HFM1: variants seen among roughly 807,000 people sequenced by gnomAD.
HFM1 encodes the protein helicase for meiosis 1.
Under a neutral mutation model 192.1 loss-of-function variants are expected in HFM1, and 169 were observed. That is an observed-to-expected ratio of 0.88 (90% CI 0.78 to 1.00). HFM1 has a LOEUF of 1.00. HFM1 is among the 50% of genes least tolerant of loss of function. The probability of loss-of-function intolerance (pLI) is 0.00; values close to 1 mark genes in which losing one functional copy is unlikely to be tolerated. For synonymous variants in HFM1, 525 were observed against 537.8 expected (o/e 0.98, Z 0.33); for missense variants, 1,661 against 1,668.0 (o/e 1.00, Z 0.07).
intron 34 of HFM1, among the ~76,000 whole-genome samples, chr1:91,272,944 GCTTACCATTTCTACATACAGC>G (rs531577914): frequency 3.2e-4 from 49 of 152,040 alleles, no homozygotes; most frequent in African/African-American, 1.1e-3. Context: ...AAAACCCCAA[GCTTACCATTTCTACATACAGC>G]CACTTGAAGA....
At chr1:91,360,457 A>T (rs962434372) in intron 13 of HFM1, among the ~76,000 whole-genome samples, 1 of 152,252 alleles carries the variant, frequency 6.6e-6, no homozygotes, top group Non-Finnish European at 1.5e-5. Context: ...GAAGGGCATT[A>T]CATAATGGTA....
chr1:91,390,925 A>G (rs968458773), intron 4 of HFM1, among the ~76,000 whole-genome samples: 2 of 152,246 alleles, frequency 1.3e-5, no homozygotes, highest in African/African-American at 4.8e-5. Flanking sequence ...TACAAAATCA[A>G]CATGCAAAAA....
At chr1:91,272,893 G>A (rs1366077924) in intron 34 of HFM1, among the ~76,000 whole-genome samples, 1 of 151,982 alleles carries the variant, frequency 6.6e-6, no homozygotes, top group African/African-American at 2.4e-5. Flanking sequence ...AGAAAAGAAT[G>A]TCAACAGAAG....
chr1:91,319,175 C>T lies in HFM1; in HGVS notation c.2715G>A (p.Lys905=), dbSNP rs969632332. ...TCAAACTATTCAATAGTACAGCAAA[C>T]TTCTTTTCTTGAGCAGCTACAAAAT... The part of the protein sequence containing the change: ...LSDFVAAQEK[K]FAVLLNSLIL... The change falls in exon 25 of 39, where the codon AAG becomes AAA. Residue 905 remains lysine (K), a synonymous_variant. Transcript: ENST00000370425. 6.2e-7 allele frequency: 1 copy of T among 1,608,968 alleles called. No individual in the cohort carries two copies. Among genetic ancestry groups the T allele is most frequent in the East Asian group, 2.2e-5 (1 of 44,816 alleles).
intron 29 of HFM1, among the ~76,000 whole-genome samples, chr1:91,313,727 T>C (rs184901260): frequency 6.6e-6 from 1 of 152,004 alleles, no homozygotes; most frequent in Admixed American, 6.5e-5. Context: ...TCTAGGAAAA[T>C]AAAATATCTA....
chr1:91,353,349 G>A (rs1657223138), intron 13 of HFM1, 50 bp from the exon 14 acceptor site: 1 of 1,076,280 alleles, frequency 9.3e-7, no homozygotes. Context: ...TAACATTAGA[G>A]AACTCTGAAA....
intron 13 of HFM1, among the ~76,000 whole-genome samples, chr1:91,370,915 A>G (rs11584205): frequency 0.2 from 30,423 of 151,998 alleles, 3,455 homozygotes; most frequent in Non-Finnish European, 0.26. Flanking sequence ...AAATCAATGT[A>G]CAAAAATCAC....
At chr1:91,396,634 C>A (rs996486195) in intron 2 of HFM1, among the ~76,000 whole-genome samples, 1 of 152,192 alleles carries the variant, frequency 6.6e-6, no homozygotes, top group Non-Finnish European at 1.5e-5. Flanking sequence ...ATGGCAATAA[C>A]TCTATCTCCT....
At chr1:91,331,514 T>G (rs1397807111) in intron 20 of HFM1, among the ~76,000 whole-genome samples, 1 of 150,302 alleles carries the variant, frequency 6.7e-6, no homozygotes, top group Non-Finnish European at 1.5e-5. Context: ...GAAAAAGAAA[T>G]AAAAAAGTAA....
At chr1:91,396,462 C>T (rs1663670118) in intron 2 of HFM1, 57 bp from the exon 3 acceptor site, 3 of 871,898 alleles carry the variant, frequency 3.4e-6, no homozygotes, top group Non-Finnish European at 5.3e-6. Context: ...ACATGAGAAG[C>T]TATGTGTTTA....
intron 1 of HFM1, among the ~76,000 whole-genome samples, chr1:91,403,805 A>G (rs1249146714): frequency 6.6e-6 from 1 of 152,212 alleles, no homozygotes; most frequent in African/African-American, 2.4e-5. Flanking sequence ...ATATTAATAC[A>G]ACTAGATACA....
intron 25 of HFM1, among the ~76,000 whole-genome samples, chr1:91,316,899 C>T (rs912877849): frequency 1.3e-5 from 2 of 152,164 alleles, no homozygotes; most frequent in Non-Finnish European, 2.9e-5. Flanking sequence ...CTTAGAAATA[C>T]AGTTCTATGT....
intron 30 of HFM1, among the ~76,000 whole-genome samples, chr1:91,289,716 T>G (rs565836198): frequency 8.8e-4 from 133 of 151,976 alleles, no homozygotes; most frequent in Non-Finnish European, 1.5e-3. Context: ...CAAAAACCAG[T>G]CAGGCGTGGC....
At chr1:91,277,934 T>C (rs1667097873) in intron 30 of HFM1, among the ~76,000 whole-genome samples, 2 of 97,092 alleles carry the variant, frequency 2.1e-5, no homozygotes, top group African/African-American at 3.7e-5. Flanking sequence ...ATAATATATA[T>C]ACTTTATATA....
intron 30 of HFM1, among the ~76,000 whole-genome samples, chr1:91,298,954 T>G (rs1464010126): frequency 6.6e-6 from 1 of 152,152 alleles, no homozygotes. Context: ...ACCTTAACTG[T>G]AAATGGGCTA....
chr1:91,358,059 C>G (rs1250867766), intron 13 of HFM1, among the ~76,000 whole-genome samples: 1 of 152,060 alleles, frequency 6.6e-6, no homozygotes. Flanking sequence ...ATCAAAATTC[C>G]AATGGCATCC....
At chr1:91,287,439 C>T (rs1321768938) in intron 30 of HFM1, among the ~76,000 whole-genome samples, 1 of 152,090 alleles carries the variant, frequency 6.6e-6, no homozygotes, top group African/African-American at 2.4e-5. Context: ...AACAGACCTG[C>T]AGCTGAGGGT....
chr1:91,271,081 A>G (rs749989893), intron 34 of HFM1, among the ~76,000 whole-genome samples: 1 of 152,026 alleles, frequency 6.6e-6, no homozygotes. Context: ...GCCGTTATTC[A>G]TGGTGCCCTG....
intron 30 of HFM1, among the ~76,000 whole-genome samples, chr1:91,300,930 G>A (rs1435083888): frequency 6.6e-6 from 1 of 152,130 alleles, no homozygotes; most frequent in African/African-American, 2.4e-5. Flanking sequence ...GGAAGTTCTG[G>A]CCAGGGCAAT....
Sources: gnomAD v4.1 joint callset for allele counts (sites outside exome capture counted in the v4.1 genomes callset) on GRCh38, gnomAD v4.1.1 for gene constraint, MANE v1.5 for transcripts, NCBI Gene and HGNC (gene_info 2026-07-23, HGNC 2026-07-21) for gene names.